The following OR5A2 variants were observed in gnomAD, a reference collection of about 807,000 sequenced individuals.
The protein encoded by OR5A2 is olfactory receptor family 5 subfamily A member 2.
For missense variants in OR5A2, 406 were observed against 398.9 expected, an observed-to-expected ratio of 1.02 and a Z score of -0.15; for synonymous variants, 155 against 151.1, an observed-to-expected ratio of 1.03 and a Z score of -0.19.
Position 59,422,237 on chromosome 11 carries a change from G to T in OR5A2, c.717C>A (p.Phe239Leu). ...ISSATGRTKA[F>L]STCASHLTAV... ...CAGTCAGGTGAGAGGCACAAGTGCT[G>T]AAGGCCTTTGTCCTACCTGTAGCTG... Residue 239 changes from phenylalanine (F) to leucine (L), a missense_variant, in exon 2 of 2, where the codon TTC becomes TTA. Coordinates refer to ENST00000302040, the MANE Select transcript of OR5A2 (RefSeq NM_001001954.2). 1 of 1,614,152 alleles carries T rather than the reference G, an allele frequency of 6.2e-7. No homozygotes were observed. The highest frequency in any genetic ancestry group is 1.3e-5 in the African/African-American group (1 of 75,026).
Position 59,422,091 on chromosome 11 carries a change from G to A in OR5A2, c.863C>T (p.Pro288Leu). The A allele has an allele frequency of 6.2e-7, 1 of 1,614,022 alleles. No individual in the cohort carries two copies. Among genetic ancestry groups the A allele is most frequent in the East Asian group, 2.2e-5 (1 of 44,864 alleles). The change falls in exon 2 of 2, where the codon CCC becomes CTC. Residue 288 changes from proline to leucine, a missense_variant. Coordinates refer to ENST00000302040, the MANE Select transcript of OR5A2 (RefSeq NM_001001954.2). ...CTTATTCCTAAAACTGTAGATGATGGGATTCACCACGGGGATCACCAAGGC... is the reference window on the plus strand; with the variant it reads ...CTTATTCCTAAAACTGTAGATGATGAGATTCACCACGGGGATCACCAAGGC... ...FYALVIPVVN[P>L]IIYSFRNKEI... is the part of the protein sequence containing the mutation.
rs1436230415 is a variant in OR5A2 at position 59,418,847 on chromosome 11, A to G, written c.*3132T>C. On this transcript the variant is annotated 3_prime_UTR_variant, in exon 2 of 2. Coordinates refer to ENST00000302040, the MANE Select transcript of OR5A2 (RefSeq NM_001001954.2). ...ATGTGATTGAACAAGAAAAATTTTT[A>G]TGAAGACTTTTTATTCAGAATCTCT... 1 of 152,152 alleles carries G rather than the reference A, an allele frequency of 6.6e-6. No individual in the cohort carries two copies. The highest frequency in any genetic ancestry group is 1.5e-5 in the Non-Finnish European group (1 of 68,022). 9.4% of individuals were successfully genotyped at this position (152,152 alleles called of 1,614,324 possible).
rs571863554 is a variant in OR5A2 at position 59,420,872 on chromosome 11, G to T, written c.*1107C>A. On this transcript the variant is annotated 3_prime_UTR_variant, in exon 2 of 2. Transcript: ENST00000302040. ...TTTAGATTCCTAAGAAACTTTAATT[G>T]TCAGTTAGAAAGCTGTCACTTTGGG... 6.6e-6 allele frequency: 1 copy of T among 152,230 alleles called. No individual in the cohort carries two copies. Among genetic ancestry groups the T allele is most frequent in the South Asian group, 2.1e-4 (1 of 4,818 alleles). 9.4% of individuals were successfully genotyped at this position (152,230 alleles called of 1,614,324 possible). A position where few individuals can be genotyped will look rare whatever the true frequency, so the allele number is the denominator to read the frequency against.
In OR5A2 at chr11:59,418,525, C is replaced by T. The variant is rs1858184109; in HGVS notation, c.*3454G>A. On this transcript the variant is annotated 3_prime_UTR_variant, in exon 2 of 2. Transcript: ENST00000302040. ...TCCCAGGAAAGAGTTTCACCTCCTC[C>T]TCCTTCAAATGGCTATAAAATGCCT... The T allele has an allele frequency of 6.6e-6, 1 of 152,038 alleles. No homozygotes were observed. Among genetic ancestry groups the T allele is most frequent in the African/African-American group, 2.4e-5 (1 of 41,398 alleles). The allele number at this position is 152,038 out of a possible 1,614,324, so 9.4% of individuals were successfully genotyped here.
chr11:59,424,246 A>C (rs143793684), intron 1 of OR5A2: 2,418 of 152,336 alleles, frequency 0.016, 59 homozygotes, highest in African/African-American at 0.055. Flanking sequence ...CTCTACTAAA[A>C]ATACAAAAAT....
Position 59,423,339 on chromosome 11 carries a change from G to A in OR5A2, c.-91-295C>T, listed in dbSNP as rs146499891. On this transcript the variant is annotated intron_variant, in intron 1 of 1. Coordinates refer to ENST00000302040, the MANE Select transcript of OR5A2 (RefSeq NM_001001954.2). ...GAGGGTTGAATCAGATGAGTTTGAA[G>A]TGTCCCTTTGGATTTGGGTTCCCTA... 2.1e-3 allele frequency: 351 copies of A among 169,826 alleles called. 2 individuals carry two copies. Among genetic ancestry groups the A allele is most frequent in the African/African-American group, 7.5e-3 (316 of 42,016 alleles). 10.5% of individuals were successfully genotyped at this position (169,826 alleles called of 1,614,324 possible).
chr11:59,422,968 C>T lies in OR5A2; in HGVS notation c.-15G>A, dbSNP rs747711789. On this transcript the variant is annotated 5_prime_UTR_variant, in exon 2 of 2. An upstream start codon of the reference 5' UTR is lost. Coordinates refer to ENST00000302040, the MANE Select transcript of OR5A2 (RefSeq NM_001001954.2). ...CCTACAGCCATAGGCCTGCTTCCTG[C>T]ATAAAGTCTTTACTTTCTTCTTTAA... 3 of 1,591,434 alleles carry T rather than the reference C, an allele frequency of 1.9e-6. No homozygotes were observed. Among genetic ancestry groups the T allele is most frequent in the East Asian group, 2.2e-5 (1 of 44,730 alleles).
At chr11:59,425,997 G>A (rs1230729149) in intron 1 of OR5A2, 174 bp downstream of exon 1, 5 of 152,128 alleles carry the variant, frequency 3.3e-5, no homozygotes, top group Non-Finnish European at 5.9e-5. Context: ...TATTGTGTGC[G>A]AGGTACTGTT....
At position 59,422,633 on chromosome 11, in the gene OR5A2, C is replaced by T. The variant is rs1477564223; in HGVS notation, c.321G>A (p.Gly107=). 1.2e-6 allele frequency: 2 copies of T among 1,614,178 alleles called. No homozygotes were observed. The highest frequency in any genetic ancestry group is 1.7e-5 in the Admixed American group (1 of 60,018). ...GGAGAAAGCATTCAGTCAGCCCCATCCCACAGAAGACAAAGTACTGAGTGG... is the reference window on the plus strand; with the variant it reads ...GGAGAAAGCATTCAGTCAGCCCCATTCCACAGAAGACAAAGTACTGAGTGG... ...GCATQYFVFC[G]MGLTECFLLA... is the part of the protein sequence containing the mutation. The change falls in exon 2 of 2, where the codon GGG becomes GGA. Residue 107 remains glycine, a synonymous_variant. Transcript: ENST00000302040.
At chr11:59,423,652 T>C (rs1025233670) in intron 1 of OR5A2, 1 of 152,142 alleles carries the variant, frequency 6.6e-6, no homozygotes, top group African/African-American at 2.4e-5. Flanking sequence ...ATATATGTTA[T>C]ATGTGTGTGT....
In OR5A2 at chr11:59,422,305, T is replaced by C; in HGVS notation, c.649A>G (p.Ile217Val). The stretch of plus-strand genomic sequence containing the variant: ...GCAGCAACAATGTAACCATAAGAGA[T>C]GAGGACCACTAGCACAGACACTATT... The part of the protein sequence containing the change: ...VGIVSVLVVL[I>V]SYGYIVAAVV... Residue 217 changes from isoleucine to valine, a missense_variant, in exon 2 of 2, where the codon ATC becomes GTC. By Grantham distance (29) the Ile-to-Val change is conservative (BLOSUM62 3). Coordinates refer to ENST00000302040, the MANE Select transcript of OR5A2 (RefSeq NM_001001954.2). 6.2e-7 allele frequency: 1 copy of C among 1,614,012 alleles called. No individual in the cohort carries two copies. The highest frequency in any genetic ancestry group is 8.5e-7 in the Non-Finnish European group (1 of 1,180,008).
In OR5A2 at chr11:59,422,407, G is replaced by A. The variant is rs1471093528; in HGVS notation, c.547C>T (p.Pro183Ser). The part of the protein sequence containing the change: ...YMINHFFCDL[P>S]PVLALSCSDT... ...GAGCAGGACAGAGCCAGGACTGGAG[G>A]GAGGTCACAGAAAAAGTGGTTGATC... The change falls in exon 2 of 2, where the codon CCT becomes TCT. Residue 183 changes from proline to serine, a missense_variant. Pro to Ser is a moderately conservative substitution (Grantham distance 74, BLOSUM62 -1). Coordinates refer to ENST00000302040, the MANE Select transcript of OR5A2 (RefSeq NM_001001954.2). 1.9e-6 allele frequency: 3 copies of A among 1,614,028 alleles called. No homozygotes were observed. The highest frequency in any genetic ancestry group is 1.3e-5 in the African/African-American group (1 of 74,916).
Position 59,421,920 on chromosome 11 carries a change from A to G in OR5A2, c.*59T>C, listed in dbSNP as rs1858225607. On this transcript the variant is annotated 3_prime_UTR_variant, in exon 2 of 2. Transcript: ENST00000302040. Reference sequence around the variant, plus strand: ...CCACAATTCATTCTATAGATCAACTAGTTTAAAATTATGTAAATGTCTGCA... The same window carrying G: ...CCACAATTCATTCTATAGATCAACTGGTTTAAAATTATGTAAATGTCTGCA... 1 of 1,472,662 alleles carries G rather than the reference A, an allele frequency of 6.8e-7. No individual in the cohort carries two copies. The highest frequency in any genetic ancestry group is 1.4e-5 in the African/African-American group (1 of 70,996). The allele number at this position is 1,472,662 out of a possible 1,614,324, so 91.2% of individuals were successfully genotyped here.
At position 59,422,739 on chromosome 11, in the gene OR5A2, A is replaced by T; in HGVS notation, c.215T>A (p.Ile72Asn). 6.2e-7 allele frequency: 1 copy of T among 1,614,096 alleles called. No homozygotes were observed. Among genetic ancestry groups the T allele is most frequent in the Admixed American group, 1.7e-5 (1 of 60,024 alleles). Residue 72 changes from isoleucine to asparagine, a missense_variant, in exon 2 of 2, where the codon ATC becomes AAC. Physicochemically the swap from Ile to Asn is moderately radical, Grantham distance 149. Coordinates refer to ENST00000302040, the MANE Select transcript of OR5A2 (RefSeq NM_001001954.2). Reference sequence around the variant, plus strand: ...AGGGGCGGTGGAGGACACATAGCAGATGTCCAGGAAGGACAGGTTACTGAG... The same window carrying T: ...AGGGGCGGTGGAGGACACATAGCAGTTGTCCAGGAAGGACAGGTTACTGAG... ...FFLSNLSFLD[I>N]CYVSSTAPKM...
At position 59,420,508 on chromosome 11, in the gene OR5A2, G is replaced by T. The variant is rs951846659; in HGVS notation, c.*1471C>A. On this transcript the variant is annotated 3_prime_UTR_variant, in exon 2 of 2. Coordinates refer to ENST00000302040, the MANE Select transcript of OR5A2 (RefSeq NM_001001954.2). ...AGTATTCTAAGTATTTACATGTACT[G>T]ACTCATTTAATTCTTCACAATAGTC... The T allele has an allele frequency of 6.6e-6, 1 of 152,018 alleles. No homozygotes were observed. The highest frequency in any genetic ancestry group is 2.4e-5 in the African/African-American group (1 of 41,396). The allele number at this position is 152,018 out of a possible 1,614,324, so 9.4% of individuals were successfully genotyped here.
Position 59,422,301 on chromosome 11 carries a change from G to C in OR5A2, c.653C>G (p.Ser218Cys), listed in dbSNP as rs201127921. 7 of 1,614,100 alleles carry C rather than the reference G, an allele frequency of 4.3e-6. No homozygotes were observed. The East Asian group carries it at 1.1e-4, about 26-fold the overall frequency. ...GIVSVLVVLI[S>C]YGYIVAAVVK... is the part of the protein sequence containing the mutation. ...AACAGCAGCAACAATGTAACCATAA[G>C]AGATGAGGACCACTAGCACAGACAC... Residue 218 changes from serine (S) to cysteine (C), a missense_variant, in exon 2 of 2, where the codon TCT becomes TGT. Physicochemically the swap from Ser to Cys is moderately radical, Grantham distance 112. Coordinates refer to ENST00000302040, the MANE Select transcript of OR5A2 (RefSeq NM_001001954.2).
rs1463806331 is a variant in OR5A2, at chr11:59,421,528, T to C, written c.*451A>G. ...GCCATGATTCTGAAACATGGGAAGGTATCTGCCCTGTGGTTTTCATGAGCT... is the reference window on the plus strand; with the variant it reads ...GCCATGATTCTGAAACATGGGAAGGCATCTGCCCTGTGGTTTTCATGAGCT... On this transcript the variant is annotated 3_prime_UTR_variant, in exon 2 of 2. Transcript: ENST00000302040. 6.4e-6 allele frequency: 1 copy of C among 157,416 alleles called. No individual in the cohort carries two copies. The highest frequency in any genetic ancestry group is 1.4e-5 in the Non-Finnish European group (1 of 71,078). The allele number at this position is 157,416 out of a possible 1,614,324, so 9.8% of individuals were successfully genotyped here.
Position 59,417,419 on chromosome 11 carries a change from G to C in OR5A2, c.*4560C>G, listed in dbSNP as rs936045235. On this transcript the variant is annotated 3_prime_UTR_variant, in exon 2 of 2. Coordinates refer to ENST00000302040, the MANE Select transcript of OR5A2 (RefSeq NM_001001954.2). The stretch of plus-strand genomic sequence containing the variant: ...ATATAGGAGGTCTTAACCAGCATAA[G>C]GGGAGAGAGAAACACAAGAAGAGAG... 6.6e-6 allele frequency: 1 copy of C among 152,186 alleles called. No individual in the cohort carries two copies. Among genetic ancestry groups the C allele is most frequent in the Admixed American group, 6.6e-5 (1 of 15,246 alleles). 9.4% of individuals were successfully genotyped at this position (152,186 alleles called of 1,614,324 possible).
chr11:59,425,263 A>G (rs1382867359), intron 1 of OR5A2: 1 of 152,158 alleles, frequency 6.6e-6, no homozygotes, highest in East Asian at 1.9e-4. Context: ...ATGGAATCAA[A>G]TGGGTCGAAG....
Sources: gnomAD v4.1 joint callset for allele counts on GRCh38, gnomAD v4.1.1 for gene constraint, MANE v1.5 for transcripts, NCBI Gene and HGNC (gene_info 2026-07-23, HGNC 2026-07-21) for gene names.